Variants in MARCHF1 observed in about 807,000 individuals in gnomAD.
MARCHF1 encodes membrane associated ring-CH-type finger 1.
Under a neutral mutation model 54.2 loss-of-function variants are expected in MARCHF1, and 40 were observed. The ratio of observed to expected loss-of-function variants is 0.74; its 90% confidence interval spans 0.57 to 0.96. The LOEUF is 0.96. MARCHF1 is among the 40% of genes least tolerant of loss of function. MARCHF1 has a pLI of 0.00. For missense variants in MARCHF1, 586 were observed against 656.5 expected (o/e 0.89, Z 1.17); for synonymous variants, 236 against 236.3 (o/e 1.00, Z 0.01).
intron 4 of MARCHF1, among the ~76,000 whole-genome samples, chr4:163,734,547 C>CAAAAA (rs71600634): frequency 4.1e-5 from 6 of 145,434 alleles, no homozygotes; most frequent in Non-Finnish European, 3.0e-5. Context: ...AAAGCTAGAC[C>CAAAAA]AAAAAAAGAA....
chr4:163,677,595 C>A (rs187451876), intron 5 of MARCHF1, among the ~76,000 whole-genome samples: 178 of 152,308 alleles, frequency 1.2e-3, no homozygotes, highest in Middle Eastern at 3.4e-3. Context: ...AACAAACAAA[C>A]AAAGATGCCT....
At chr4:163,638,046 G>A (rs1459083896) in intron 5 of MARCHF1, among the ~76,000 whole-genome samples, 9 of 142,812 alleles carry the variant, frequency 6.3e-5, no homozygotes, top group Non-Finnish European at 1.5e-5. Flanking sequence ...GAACAATGAG[G>A]TCACATGGAC....
At chr4:164,126,873 T>C (rs1579556073) in intron 1 of MARCHF1, among the ~76,000 whole-genome samples, 1 of 152,084 alleles carries the variant, frequency 6.6e-6, no homozygotes, top group East Asian at 1.9e-4. Context: ...CTGACCAATA[T>C]GGTGAAACCC....
At chr4:163,878,395 A>G (rs1461844454) in intron 3 of MARCHF1, among the ~76,000 whole-genome samples, 1 of 152,200 alleles carries the variant, frequency 6.6e-6, no homozygotes, top group Non-Finnish European at 1.5e-5. Flanking sequence ...TAGTCCATCA[A>G]AGAGGTATTA....
At chr4:163,751,733 T>C (rs550967074) in intron 4 of MARCHF1, among the ~76,000 whole-genome samples, 1 of 152,196 alleles carries the variant, frequency 6.6e-6, no homozygotes, top group South Asian at 2.1e-4. Context: ...AGACACAATA[T>C]TGAAGGATGT....
At chr4:164,012,972 C>T (rs2110946943) in intron 2 of MARCHF1, among the ~76,000 whole-genome samples, 1 of 152,260 alleles carries the variant, frequency 6.6e-6, no homozygotes, top group Non-Finnish European at 1.5e-5. Flanking sequence ...TATAAGTCTT[C>T]CATGCCCAGA....
chr4:164,143,575 C>T (rs1465366400), intron 1 of MARCHF1, among the ~76,000 whole-genome samples: 1 of 151,640 alleles, frequency 6.6e-6, no homozygotes, highest in East Asian at 1.9e-4. Context: ...CCAAACTAAG[C>T]TTCATAAGTG....
At chr4:163,828,398 T>C (rs1204369929) in intron 4 of MARCHF1, among the ~76,000 whole-genome samples, 1 of 152,192 alleles carries the variant, frequency 6.6e-6, no homozygotes, top group Non-Finnish European at 1.5e-5. Context: ...TCAGTCATTA[T>C]AGACTTTTGT....
At chr4:164,057,297 G>A (rs1458910116) in intron 2 of MARCHF1, among the ~76,000 whole-genome samples, 1 of 152,152 alleles carries the variant, frequency 6.6e-6, no homozygotes, top group Admixed American at 6.5e-5. Flanking sequence ...ATTAAGCCAA[G>A]CTAAGAAGAA....
chr4:164,194,103 A>T (rs1731191129), intron 1 of MARCHF1, among the ~76,000 whole-genome samples: 1 of 152,166 alleles, frequency 6.6e-6, no homozygotes, highest in South Asian at 2.1e-4. Flanking sequence ...GAGACACAAT[A>T]AGGTATAACA....
At chr4:164,158,947 C>G (rs543869725) in intron 1 of MARCHF1, among the ~76,000 whole-genome samples, 2 of 152,280 alleles carry the variant, frequency 1.3e-5, no homozygotes, top group East Asian at 3.9e-4. Context: ...TCACAGTACT[C>G]AGAAATGGTA....
intron 2 of MARCHF1, among the ~76,000 whole-genome samples, chr4:163,997,575 C>T (rs1753101465): frequency 6.6e-6 from 1 of 151,838 alleles, no homozygotes; most frequent in South Asian, 2.1e-4. Context: ...TTCTGAAGTA[C>T]CCTTTAATTT....
At chr4:164,040,752 T>C (rs1268807195) in intron 2 of MARCHF1, among the ~76,000 whole-genome samples, 1 of 152,122 alleles carries the variant, frequency 6.6e-6, no homozygotes, top group Non-Finnish European at 1.5e-5. Context: ...TGTTTGTTGT[T>C]ACTTACTTTG....
At chr4:164,320,086 T>G (rs1438494354) in intron 1 of MARCHF1, among the ~76,000 whole-genome samples, 1 of 152,194 alleles carries the variant, frequency 6.6e-6, no homozygotes, top group Non-Finnish European at 1.5e-5. Flanking sequence ...TCTAATTGTA[T>G]TATTAAGTCC....
chr4:163,647,212 C>A (rs1293495898), intron 5 of MARCHF1, among the ~76,000 whole-genome samples: 1 of 152,006 alleles, frequency 6.6e-6, no homozygotes, highest in Non-Finnish European at 1.5e-5. Context: ...AAGCATATTA[C>A]ACTTGTAAAT....
chr4:164,107,654 T>C (rs566289741), intron 2 of MARCHF1, among the ~76,000 whole-genome samples: 29 of 152,262 alleles, frequency 1.9e-4, no homozygotes, highest in African/African-American at 6.0e-4. Flanking sequence ...TGAGCCACCA[T>C]GCCTGGCCTG....
Position 163,918,260 on chromosome 4 carries a change from AT to A in MARCHF1, c.-38-64092del, listed in dbSNP as rs368176950. ...ATGGACCATTTTTAATAGATTTTGC[AT>A]TTTCTTCTTTTGAGTTGCAAAGACT... On this transcript the variant is annotated intron_variant, in intron 3 of 9. Coordinates refer to ENST00000514618, the MANE Select transcript of MARCHF1 (RefSeq NM_001394959.1). Among the ~76,000 whole-genome samples the A allele has an allele frequency of 5.7e-4, 86 of 151,984 alleles. No homozygotes were observed. In the East Asian group the frequency reaches 0.015, roughly 26 times the overall value.
At chr4:163,894,293 A>C (rs1750727168) in intron 3 of MARCHF1, among the ~76,000 whole-genome samples, 1 of 152,058 alleles carries the variant, frequency 6.6e-6, no homozygotes, top group Non-Finnish European at 1.5e-5. Context: ...TTTATATTGC[A>C]GTGGTCTATT....
At chr4:164,226,186 T>C (rs1012555538) in intron 1 of MARCHF1, among the ~76,000 whole-genome samples, 4 of 151,730 alleles carry the variant, frequency 2.6e-5, no homozygotes, top group Admixed American at 6.6e-5. Context: ...ACTAACCCAT[T>C]TACACAAATA....
Sources: gnomAD v4.1 joint callset for allele counts (sites outside exome capture counted in the v4.1 genomes callset) on GRCh38, gnomAD v4.1.1 for gene constraint, MANE v1.5 for transcripts, NCBI Gene and HGNC (gene_info 2026-07-23, HGNC 2026-07-21) for gene names.